Variants in PIEZO2 observed in about 807,000 individuals in gnomAD.
PIEZO2 encodes piezo-type mechanosensitive ion channel component 2.
A neutral mutation model predicts 337.3 loss-of-function variants in PIEZO2; 172 were observed. That is an observed-to-expected ratio of 0.51 (90% confidence interval 0.45 to 0.58). PIEZO2 has a LOEUF of 0.58. PIEZO2 is among the 20% of genes least tolerant of loss of function. The pLI, the probability that PIEZO2 is intolerant of heterozygous loss-of-function variation, is 0.00. For synonymous variants in PIEZO2, 1,251 were observed against 1,228.5 expected (o/e 1.02, Z -0.38); for missense variants, 3,028 against 3,391.3 (o/e 0.89, Z 2.66).
intron 2 of PIEZO2, among the ~76,000 whole-genome samples, chr18:11,058,389 C>G (rs186366084): frequency 3.9e-5 from 6 of 152,330 alleles, no homozygotes; most frequent in African/African-American, 1.4e-4. Flanking sequence ...CAAAGGAACG[C>G]AGCTCCTCAC....
At chr18:10,893,217 T>C (rs1251042950) in intron 4 of PIEZO2, among the ~76,000 whole-genome samples, 1 of 152,218 alleles carries the variant, frequency 6.6e-6, no homozygotes, top group Non-Finnish European at 1.5e-5. Context: ...GTTATTTTTA[T>C]AAATTAAAAA....
chr18:10,777,675 T>G (rs1293209870), intron 18 of PIEZO2, among the ~76,000 whole-genome samples: 1 of 152,264 alleles, frequency 6.6e-6, no homozygotes, highest in Non-Finnish European at 1.5e-5. Flanking sequence ...CTCCTTAGTC[T>G]GAATGTCATT....
Position 10,691,393 on chromosome 18 carries a change from A to G in PIEZO2, c.7191-10T>C, listed in dbSNP as rs758534837. On this transcript the variant is annotated splice_polypyrimidine_tract_variant and intron_variant, in intron 47 of 55. Transcript: ENST00000674853. Reference sequence around the variant, plus strand: ...GTTCTGGCTGAATTTCCTAAAATGTAAAAGTACAGAAAGTGAAGCAATGAA... The same window carrying G: ...GTTCTGGCTGAATTTCCTAAAATGTGAAAGTACAGAAAGTGAAGCAATGAA... The G allele has an allele frequency of 3.7e-6, 6 of 1,611,372 alleles. No homozygotes were observed. Among genetic ancestry groups the G allele is most frequent in the African/African-American group, 1.3e-5 (1 of 74,942 alleles).
intron 2 of PIEZO2, among the ~76,000 whole-genome samples, chr18:11,007,865 A>C (rs548272846): frequency 7.9e-5 from 12 of 152,338 alleles, no homozygotes; most frequent in Non-Finnish European, 1.5e-4. Flanking sequence ...GAATGCTAAA[A>C]GTTCTTCAGG....
At chr18:11,057,591 G>C in intron 2 of PIEZO2, among the ~76,000 whole-genome samples, 1 of 152,282 alleles carries the variant, frequency 6.6e-6, no homozygotes, top group Non-Finnish European at 1.5e-5. Flanking sequence ...AGAAAGAACC[G>C]TCTGATAATA....
rs140284699 is a variant in PIEZO2 at position 10,699,610 on chromosome 18, A to G, written c.6442-433T>C. Among the ~76,000 whole-genome samples the G allele has an allele frequency of 3.8e-3, 576 of 152,280 alleles. 7 individuals are homozygous for G. Among genetic ancestry groups the G allele is most frequent in the African/African-American group, 0.013 (537 of 41,570 alleles). On this transcript the variant is annotated intron_variant, in intron 43 of 55. Transcript: ENST00000674853. ...TTTCGTAAATTGCCCAGTCTCAGGT[A>G]TGTCTTTATCAGCAGCATGAAAACG...
rs946414124 is a variant in PIEZO2, at chr18:10,982,398, G to A, written c.161-2738C>T. Among the ~76,000 whole-genome samples the A allele has an allele frequency of 6.6e-6, 1 of 151,990 alleles. No individual in the cohort carries two copies. The highest frequency in any genetic ancestry group is 1.9e-4 in the East Asian group (1 of 5,180). ...AAAAAAATAGAAAAACAAATAATAG[G>A]TATAAATAAGTGAAGAGATCTGTTA... On this transcript the variant is annotated intron_variant, in intron 2 of 55. Coordinates refer to ENST00000674853, the MANE Select transcript of PIEZO2 (RefSeq NM_001378183.1). This position sits in a 1 kb window ranked among gnomAD's most constrained non-coding sequence, Gnocchi z 4.1.
Position 11,083,566 on chromosome 18 carries a change from G to A in PIEZO2, c.65-17344C>T, listed in dbSNP as rs976941377. ...GTGCCAGCCCTGCAGGGCACGGTGT[G>A]GGCTCTTCCTGTGGCATGCAGAACT... On this transcript the variant is annotated intron_variant, in intron 1 of 55. Coordinates refer to ENST00000674853, the MANE Select transcript of PIEZO2 (RefSeq NM_001378183.1). The surrounding 1 kb of genome is among the most constrained non-coding windows in gnomAD (Gnocchi z 4.4). 3.3e-5 allele frequency among the ~76,000 whole-genome samples: 5 copies of A among 152,074 alleles called. No individual in the cohort carries two copies. Among genetic ancestry groups the A allele is most frequent in the Admixed American group, 3.3e-4 (5 of 15,278 alleles).
chr18:10,989,751 C>T (rs1014609289), intron 2 of PIEZO2, among the ~76,000 whole-genome samples: 2 of 152,052 alleles, frequency 1.3e-5, no homozygotes, highest in Admixed American at 6.6e-5. Context: ...GAAGCTAAAG[C>T]TATTGTAGAT....
chr18:10,932,557 T>A (rs2032155858), intron 3 of PIEZO2, among the ~76,000 whole-genome samples: 1 of 152,052 alleles, frequency 6.6e-6, no homozygotes, highest in African/African-American at 2.4e-5. Context: ...TGCAGTTACA[T>A]CCAGAGCAGA....
rs1347309579 is a variant in PIEZO2, at chr18:10,847,308, T to TG, written c.917+8044dup. Among the ~76,000 whole-genome samples, 1 of 152,150 alleles carries TG rather than the reference T, an allele frequency of 6.6e-6. No homozygotes were observed. Among genetic ancestry groups the TG allele is most frequent in the Non-Finnish European group, 1.5e-5 (1 of 68,028 alleles). Reference sequence around the variant, plus strand: ...ATGAGTCACTGAGTCTGGCTAACTGTGGGGAATTCTAGGTGCCCACAGAGG... The same window carrying TG: ...ATGAGTCACTGAGTCTGGCTAACTGTGGGGGAATTCTAGGTGCCCACAGAGG... On this transcript the variant is annotated intron_variant, in intron 7 of 55. Coordinates refer to ENST00000674853, the MANE Select transcript of PIEZO2 (RefSeq NM_001378183.1). This position sits in a 1 kb window ranked among gnomAD's most constrained non-coding sequence, Gnocchi z 5.7.
intron 4 of PIEZO2, among the ~76,000 whole-genome samples, chr18:10,883,117 G>A (rs992385377): frequency 3.9e-5 from 6 of 152,090 alleles, no homozygotes; most frequent in Middle Eastern, 3.2e-3. Flanking sequence ...GATTACAGGC[G>A]TGAGCCACTG....
At chr18:10,791,140 C>CT (rs767642888) in intron 14 of PIEZO2, 61 bp downstream of exon 14, 1 of 1,441,830 alleles carries the variant, frequency 6.9e-7, no homozygotes, top group Non-Finnish European at 9.2e-7. Flanking sequence ...TATTTTGGGG[C>CT]TCTTTCTCTG....
chr18:10,714,981 T>C, intron 38 of PIEZO2, 51 bp from the exon 39 acceptor site: 1 of 1,508,594 alleles, frequency 6.6e-7, no homozygotes, highest in Non-Finnish European at 8.9e-7. Context: ...TCTACCTGTA[T>C]AGCCACCTGG....
intron 2 of PIEZO2, among the ~76,000 whole-genome samples, chr18:11,040,762 T>C (rs144450605): frequency 2.6e-4 from 39 of 152,310 alleles, no homozygotes; most frequent in African/African-American, 9.4e-4. Context: ...TTAAGTCAGT[T>C]CTTAGTGCCA....
At position 10,681,732 on chromosome 18, in the gene PIEZO2, G is replaced by GAAAGTCCATAACTTTCAACT. The variant is rs1257397826; in HGVS notation, c.7707_7708insAGTTGAAAGTTATGGACTTT (p.Gln2570SerfsTer2). ...TCCATAACTTTCAACTGGCTTTGTT[G>GAAAGTCCATAACTTTCAACT]GGCACTCATTGTGAAAATAGGCTGG... On this transcript the variant is annotated stop_gained and frameshift_variant, in exon 51 of 56. Transcript: ENST00000674853. LOFTEE classifies it high-confidence loss of function. The GAAAGTCCATAACTTTCAACT allele has an allele frequency of 6.2e-7, 1 of 1,610,650 alleles. No homozygotes were observed. The highest frequency in any genetic ancestry group is 8.5e-7 in the Non-Finnish European group (1 of 1,176,986).
rs1295838895 is a variant in PIEZO2, at chr18:11,094,953, GC to G, written c.65-28732del. 6.6e-6 allele frequency among the ~76,000 whole-genome samples: 1 copy of G among 152,178 alleles called. No individual in the cohort carries two copies. Among genetic ancestry groups the G allele is most frequent in the Non-Finnish European group, 1.5e-5 (1 of 68,038 alleles). On this transcript the variant is annotated intron_variant, in intron 1 of 55. Coordinates refer to ENST00000674853, the MANE Select transcript of PIEZO2 (RefSeq NM_001378183.1). This position sits in a 1 kb window ranked among gnomAD's most constrained non-coding sequence, Gnocchi z 4.4. ...TCCAAAAGCCACCCGCTGGAAGGGG[GC>G]CCCAGGGCCATTTTCAGTGTGCCAT...
At position 11,028,007 on chromosome 18, in the gene PIEZO2, G is replaced by T. The variant is rs1008165516; in HGVS notation, c.160+38120C>A. Among the ~76,000 whole-genome samples, 9 of 152,208 alleles carry T rather than the reference G, an allele frequency of 5.9e-5. No homozygotes were observed. The highest frequency in any genetic ancestry group is 1.0e-4 in the Non-Finnish European group (7 of 68,038). On this transcript the variant is annotated intron_variant, in intron 2 of 55. Coordinates refer to ENST00000674853, the MANE Select transcript of PIEZO2 (RefSeq NM_001378183.1). The surrounding 1 kb of genome is among the most constrained non-coding windows in gnomAD (Gnocchi z 4.8). ...ACAGGAAGACCTGCTATTATGATTA[G>T]TGCAGGGTAACCTGCCAAGTGTCCC... is the stretch of plus-strand genomic sequence containing the variant.
rs2038174102 is a variant in PIEZO2, at chr18:10,762,445, C to T, written c.3249+55G>A. On this transcript the variant is annotated intron_variant, in intron 23 of 55. Transcript: ENST00000674853. ...GTTAAGCGTCTCATGGAAAAGAATC[C>T]TGAACTATTATATAACGGAGTGGAG... 2.0e-6 allele frequency: 3 copies of T among 1,508,898 alleles called. No individual in the cohort carries two copies. The Admixed American group carries it at 6.8e-5, about 34-fold the overall frequency. 93.5% of individuals were successfully genotyped at this position (1,508,898 alleles called of 1,614,324 possible).
Sources: gnomAD v4.1 joint callset for allele counts (sites outside exome capture counted in the v4.1 genomes callset) on GRCh38, gnomAD v4.1.1 for gene constraint, Gnocchi (gnomAD v3.1) non-coding constraint, MANE v1.5 for transcripts, NCBI Gene and HGNC (gene_info 2026-07-23, HGNC 2026-07-21) for gene names.